Variants in NCAM2 observed in about 807,000 individuals in gnomAD.
The protein encoded by NCAM2 is neural cell adhesion molecule 2, also known as N-CAM-2.
Under a neutral mutation model 98.1 loss-of-function variants are expected in NCAM2, and 30 were observed. The observed-to-expected ratio is 0.31, with a 90% CI of 0.23 to 0.41. NCAM2 has a LOEUF of 0.41. Ranked by LOEUF, NCAM2 falls within the 10% of genes least tolerant of loss-of-function variation. NCAM2 has a pLI of 1.00. For synonymous variants in NCAM2, 368 were observed against 342.4 expected, an observed-to-expected ratio of 1.07 and a Z score of -0.83; for missense variants, 867 against 1,005.8, an observed-to-expected ratio of 0.86 and a Z score of 1.87.
At chr21:21,182,333 G>A (rs938031731) in intron 1 of NCAM2, among the ~76,000 whole-genome samples, 1 of 152,108 alleles carries the variant, frequency 6.6e-6, no homozygotes, top group Admixed American at 6.6e-5. Context: ...ATCTCACACA[G>A]TGTAAGAGGC....
At chr21:21,450,966 T>C (rs1187704786) in intron 12 of NCAM2, among the ~76,000 whole-genome samples, 1 of 151,960 alleles carries the variant, frequency 6.6e-6, no homozygotes, top group Non-Finnish European at 1.5e-5. Flanking sequence ...GGAATATATA[T>C]ATATATAGGT....
intron 1 of NCAM2, among the ~76,000 whole-genome samples, chr21:21,093,997 C>T (rs7278835): frequency 0.39 from 59,021 of 151,702 alleles, 13,951 homozygotes; most frequent in African/African-American, 0.67. Flanking sequence ...TAAGAATTCT[C>T]GTCAAATTGG....
intron 1 of NCAM2, among the ~76,000 whole-genome samples, chr21:21,246,823 C>T (rs902360652): frequency 2.6e-5 from 4 of 152,098 alleles, no homozygotes; most frequent in African/African-American, 9.7e-5. Flanking sequence ...TTTCTATCTT[C>T]TGAAGTACCG....
At chr21:21,259,109 C>A (rs1199405355) in intron 1 of NCAM2, among the ~76,000 whole-genome samples, 1 of 152,034 alleles carries the variant, frequency 6.6e-6, no homozygotes, top group Admixed American at 6.5e-5. Context: ...ACACTTTTTG[C>A]GGTGGCTCCA....
At chr21:21,420,007 T>A (rs926452265) in intron 11 of NCAM2, among the ~76,000 whole-genome samples, 6 of 151,994 alleles carry the variant, frequency 3.9e-5, no homozygotes, top group African/African-American at 1.4e-4. Context: ...TTTCTCCACA[T>A]CCTCTCCAGC....
intron 1 of NCAM2, among the ~76,000 whole-genome samples, chr21:21,060,265 T>A (rs1188235385): frequency 6.6e-6 from 1 of 152,150 alleles, no homozygotes; most frequent in Non-Finnish European, 1.5e-5. Context: ...GATTATACCA[T>A]ATGTGAAAAT....
rs1368615453 is a variant in NCAM2, at chr21:21,187,440, T to C, written c.56-93138T>C. The stretch of plus-strand genomic sequence containing the variant: ...CCAACCTCCATATTGTACTTCTCCA[T>C]CAACAACAACAACAACAACAACAAA... On this transcript the variant is annotated intron_variant, in intron 1 of 17. Coordinates refer to ENST00000400546, the MANE Select transcript of NCAM2 (RefSeq NM_004540.5). Among the ~76,000 whole-genome samples, 3 of 151,240 alleles carry C rather than the reference T, an allele frequency of 2.0e-5. No homozygotes were observed. The Admixed American group carries it at 2.0e-4, about 10-fold the overall frequency.
intron 1 of NCAM2, among the ~76,000 whole-genome samples, chr21:21,188,253 A>G (rs1227234411): frequency 1.3e-5 from 2 of 152,192 alleles, no homozygotes; most frequent in Non-Finnish European, 2.9e-5. Flanking sequence ...AACTATTTAG[A>G]TATAGGTTAA....
chr21:21,024,142 A>G (rs942174646), intron 1 of NCAM2, among the ~76,000 whole-genome samples: 2 of 152,214 alleles, frequency 1.3e-5, no homozygotes, highest in East Asian at 3.8e-4. Context: ...CAGCCTGCGA[A>G]TGCTATTTGA....
intron 1 of NCAM2, among the ~76,000 whole-genome samples, chr21:21,149,054 C>CT: frequency 6.6e-6 from 1 of 152,158 alleles, no homozygotes; most frequent in African/African-American, 2.4e-5. Flanking sequence ...TTTCTGGACT[C>CT]TGTTATGTTC....
At chr21:21,148,827 G>A (rs912329371) in intron 1 of NCAM2, among the ~76,000 whole-genome samples, 1 of 152,054 alleles carries the variant, frequency 6.6e-6, no homozygotes, top group Admixed American at 6.6e-5. Flanking sequence ...TATAATCTGG[G>A]AATTATTCTT....
intron 7 of NCAM2, among the ~76,000 whole-genome samples, chr21:21,336,572 A>G (rs2074877045): frequency 6.6e-6 from 1 of 151,892 alleles, no homozygotes; most frequent in Non-Finnish European, 1.5e-5. Context: ...AAAAAAAAAA[A>G]GAAGGACCAG....
chr21:21,115,806 C>T (rs1009409180), intron 1 of NCAM2, among the ~76,000 whole-genome samples: 7 of 151,958 alleles, frequency 4.6e-5, no homozygotes, highest in East Asian at 1.9e-4. Flanking sequence ...GGATATTGTG[C>T]GTGTGTCTGT....
chr21:21,061,260 A>G (rs1007842059), intron 1 of NCAM2, among the ~76,000 whole-genome samples: 19 of 152,188 alleles, frequency 1.2e-4, no homozygotes, highest in African/African-American at 4.3e-4. Flanking sequence ...GTTCTTGAAT[A>G]TAGTCTAAGT....
chr21:21,226,453 G>C (rs1473467392), intron 1 of NCAM2, among the ~76,000 whole-genome samples: 3 of 152,010 alleles, frequency 2.0e-5, no homozygotes, highest in African/African-American at 4.8e-5. Context: ...ATAACACTTA[G>C]AAATCCCTGA....
intron 1 of NCAM2, among the ~76,000 whole-genome samples, chr21:21,163,103 A>T (rs2067838395): frequency 6.6e-6 from 1 of 152,192 alleles, no homozygotes; most frequent in Admixed American, 6.6e-5. Context: ...ATGTTCATAT[A>T]ATCATGTATT....
intron 10 of NCAM2, among the ~76,000 whole-genome samples, chr21:21,417,898 A>G (rs1370089301): frequency 1.3e-5 from 2 of 152,074 alleles, no homozygotes; most frequent in South Asian, 2.1e-4. Flanking sequence ...TTCATTAAGA[A>G]TGATCCTTCC....
rs1050458285 is a variant in NCAM2, at chr21:21,149,641, C to A, written c.56-130937C>A. Reference sequence around the variant, plus strand: ...CCCATGTGTTCTCATTTTTCAACTCCCACTTATCAGTGAGCACGTGTGGTG... The same window carrying A: ...CCCATGTGTTCTCATTTTTCAACTCACACTTATCAGTGAGCACGTGTGGTG... On this transcript the variant is annotated intron_variant, in intron 1 of 17. Transcript: ENST00000400546. Among the ~76,000 whole-genome samples, 33 of 152,026 alleles carry A rather than the reference C, an allele frequency of 2.2e-4. 1 individual carries two copies.
rs150461354 is a variant in NCAM2 at position 21,356,788 on chromosome 21, C to G, written c.1045-17075C>G. ...GCTGGATCATCTGAGGTCGGGAGTT[C>G]GAGACAAACGTGGCCAACATGGAGA... On this transcript the variant is annotated intron_variant, in intron 8 of 17. Coordinates refer to ENST00000400546, the MANE Select transcript of NCAM2 (RefSeq NM_004540.5). Among the ~76,000 whole-genome samples the G allele has an allele frequency of 5.7e-3, 872 of 152,014 alleles. 9 individuals are homozygous for G. The highest frequency in any genetic ancestry group is 9.6e-3 in the Non-Finnish European group (652 of 67,986).
Sources: gnomAD v4.1 joint callset for allele counts (sites outside exome capture counted in the v4.1 genomes callset) on GRCh38, gnomAD v4.1.1 for gene constraint, MANE v1.5 for transcripts, NCBI Gene and HGNC (gene_info 2026-07-23, HGNC 2026-07-21) for gene names.